Variants in MYO15A observed in about 807,000 individuals in gnomAD.
MYO15A encodes the protein unconventional myosin-XV.
In MYO15A, 308 loss-of-function variants were observed where a neutral mutation model predicts 394.6. The ratio of observed to expected loss-of-function variants is 0.78; its 90% confidence interval spans 0.71 to 0.86. The LOEUF is 0.86. Ranked by LOEUF, MYO15A falls within the 40% of genes least tolerant of loss-of-function variation. The pLI, the probability that MYO15A is intolerant of heterozygous loss-of-function variation, is 0.00. For missense variants in MYO15A, 4,606 were observed against 4,799.1 expected (o/e 0.96, Z 1.19); for synonymous variants, 1,957 against 2,003.8 (o/e 0.98, Z 0.62).
intron 23 of MYO15A, 40 bp downstream of exon 23, chr17:18,141,810 T>G: frequency 6.3e-7 from 1 of 1,591,906 alleles, no homozygotes; most frequent in Non-Finnish European, 8.6e-7. Context: ...AGACCCCAAG[T>G]TTGGGGGGGT....
chr17:18,126,487 C>A, intron 5 of MYO15A, 31 bp downstream of exon 5: 2 of 1,592,068 alleles, frequency 1.3e-6, no homozygotes, highest in South Asian at 1.1e-5. Context: ...GCCCTGGGGT[C>A]TCTTGGGCCC....
At chr17:18,173,063 G>T (rs965374408) in intron 64 of MYO15A, among the ~76,000 whole-genome samples, 5 of 152,200 alleles carry the variant, frequency 3.3e-5, no homozygotes, top group Non-Finnish European at 7.3e-5. Flanking sequence ...GATGGAGCCA[G>T]TAGAGGGGGT....
At position 18,141,141 on chromosome 17, in the gene MYO15A, C is replaced by G. The variant is rs1000885373; in HGVS notation, c.5529C>G (p.Asp1843Glu). ...PVRLPFQGFI[D>E]RYCCLVALKH... ...GCCTGCCTTTCCAGGGGTTCATCGA[C>G]AGGTATCTTGGTTACGGTAGTTCCT... is the stretch of plus-strand genomic sequence containing the variant. The change falls in exon 22 of 66, where the codon GAC becomes GAG. Residue 1843 changes from aspartate (D) to glutamate (E), a missense_variant and splice_region_variant. Asp to Glu is a conservative substitution (Grantham distance 45, BLOSUM62 2). Transcript: ENST00000647165. 3.1e-6 allele frequency: 5 copies of G among 1,613,636 alleles called. No individual in the cohort carries two copies. Among genetic ancestry groups the G allele is most frequent in the Non-Finnish European group, 4.2e-6 (5 of 1,180,004 alleles).
rs1468387337 is a variant in MYO15A, at chr17:18,119,001, C to T, written c.201C>T (p.Pro67=). Residue 67 remains proline (P), a synonymous_variant, in exon 2 of 66, where the codon CCC becomes CCT. Coordinates refer to ENST00000647165, the MANE Select transcript of MYO15A (RefSeq NM_016239.4). ...SAFFWGLHTG[P]QKTKRKRKAR... is the part of the protein sequence containing the mutation. ...TCTTCTGGGGCCTCCACACCGGCCC[C>T]CAGAAGACCAAGCGCAAGAGGAAGG... 6.2e-7 allele frequency: 1 copy of T among 1,612,668 alleles called. No homozygotes were observed.
rs1015923228 is a variant in MYO15A, at chr17:18,179,788, G to C, written c.*918G>C. 6.6e-6 allele frequency: 1 copy of C among 152,146 alleles called. No homozygotes were observed. The highest frequency in any genetic ancestry group is 6.5e-5 in the Admixed American group (1 of 15,270). 9.4% of individuals were successfully genotyped at this position (152,146 alleles called of 1,614,324 possible). On this transcript the variant is annotated 3_prime_UTR_variant, in exon 66 of 66. Coordinates refer to ENST00000647165, the MANE Select transcript of MYO15A (RefSeq NM_016239.4). ...TTGTCATATGAATGAAAAAATAAAC[G>C]AGTGAATGTTGATAGAAAGTGCTGG...
intron 25 of MYO15A, among the ~76,000 whole-genome samples, 182 bp downstream of exon 25, chr17:18,143,022 G>A (rs1190594837): frequency 6.6e-6 from 1 of 152,218 alleles, no homozygotes; most frequent in Non-Finnish European, 1.5e-5. Context: ...CCTTGGGATT[G>A]TGGAGAGGGT....
rs775907651 is a variant in MYO15A, at chr17:18,118,768, G to C, written c.-33G>C. On this transcript the variant is annotated 5_prime_UTR_variant, in exon 2 of 66. Transcript: ENST00000647165. ...TCCAAGTCCCTGAGCCCGTGACACCGGCCCCAGGCCCTGTAGAGAGCAGGC... is the reference window on the plus strand; with the variant it reads ...TCCAAGTCCCTGAGCCCGTGACACCCGCCCCAGGCCCTGTAGAGAGCAGGC... 21 of 1,607,326 alleles carry C rather than the reference G, an allele frequency of 1.3e-5. No individual in the cohort carries two copies. The highest frequency in any genetic ancestry group is 1.8e-5 in the Non-Finnish European group (21 of 1,177,480).
At position 18,171,637 on chromosome 17, in the gene MYO15A, G is replaced by A; in HGVS notation, c.10083-1G>A. The A allele has an allele frequency of 6.2e-7, 1 of 1,613,930 alleles. No homozygotes were observed. On this transcript the variant is annotated splice_acceptor_variant, in intron 62 of 65. Transcript: ENST00000647165. LOFTEE classifies it high-confidence loss of function. ...CCTTTTTCCCCTTCCTCCGTACACAGGCGGGAAGTCCAGGAGTACATCCCA... is the reference window on the plus strand; with the variant it reads ...CCTTTTTCCCCTTCCTCCGTACACAAGCGGGAAGTCCAGGAGTACATCCCA...
At chr17:18,154,855 C>A in intron 45 of MYO15A, 100 bp downstream of exon 45, 2 of 1,332,008 alleles carry the variant, frequency 1.5e-6, no homozygotes, top group South Asian at 1.2e-5. Context: ...CCAGGCCCAC[C>A]ATCTCCCAGA....
At chr17:18,161,707 G>A (rs774860749) in intron 57 of MYO15A, among the ~76,000 whole-genome samples, 10 of 152,202 alleles carry the variant, frequency 6.6e-5, no homozygotes, top group Non-Finnish European at 1.5e-4. Context: ...TTTCCAGGTG[G>A]AGTGAGTGAC....
intron 23 of MYO15A, 68 bp from the exon 24 acceptor site, chr17:18,142,011 G>T: frequency 6.3e-7 from 1 of 1,583,456 alleles, no homozygotes; most frequent in Non-Finnish European, 8.6e-7. Flanking sequence ...CGGACTTCTA[G>T]AGAGGGAGGG....
rs2046610975 is a variant in MYO15A at position 18,153,096 on chromosome 17, C to T, written c.7967-679C>T. Among the ~76,000 whole-genome samples the T allele has an allele frequency of 6.6e-6, 1 of 152,214 alleles. No homozygotes were observed. Among genetic ancestry groups the T allele is most frequent in the Non-Finnish European group, 1.5e-5 (1 of 68,044 alleles). ...TTGCGGGGCCATCTCAGCCTTTAGC[C>T]CAGGCCTGTATACAATAGGTGTTTT... is the stretch of plus-strand genomic sequence containing the variant. On this transcript the variant is annotated intron_variant, in intron 42 of 65. Coordinates refer to ENST00000647165, the MANE Select transcript of MYO15A (RefSeq NM_016239.4). The surrounding 1 kb of genome is among the most constrained non-coding windows in gnomAD (Gnocchi z 4.1).
intron 25 of MYO15A, among the ~76,000 whole-genome samples, chr17:18,143,064 T>C (rs1201066646): frequency 6.6e-6 from 1 of 152,228 alleles, no homozygotes; most frequent in Non-Finnish European, 1.5e-5. Flanking sequence ...GGATTTGGCC[T>C]GGTGCTGGGT....
At chr17:18,163,162 G>C in intron 58 of MYO15A, 82 bp from the exon 59 acceptor site, 1 of 1,453,202 alleles carries the variant, frequency 6.9e-7, no homozygotes, top group Non-Finnish European at 9.7e-7. Context: ...CCTTTGGCTT[G>C]GGAACTCCCA....
intron 61 of MYO15A, 132 bp from the exon 62 acceptor site, chr17:18,167,458 A>C: frequency 7.0e-7 from 1 of 1,429,168 alleles, no homozygotes; most frequent in Non-Finnish European, 9.6e-7. Flanking sequence ...AAACCCAGGA[A>C]AGTAATAGGC....
In MYO15A at chr17:18,179,498, C is replaced by G. The variant is rs55973639; in HGVS notation, c.*628C>G. 0.017 allele frequency: 2,702 copies of G among 160,260 alleles called. 56 individuals carry two copies. Among genetic ancestry groups the G allele is most frequent in the African/African-American group, 0.05 (2,089 of 41,648 alleles). The allele number at this position is 160,260 out of a possible 1,614,324, so 9.9% of individuals were successfully genotyped here. On this transcript the variant is annotated 3_prime_UTR_variant, in exon 66 of 66. Transcript: ENST00000647165. ...GATTCACTGCCTATGAACAGACCATCCCCCACTCCTTGGGTATCCCCAACC... is the reference window on the plus strand; with the variant it reads ...GATTCACTGCCTATGAACAGACCATGCCCCACTCCTTGGGTATCCCCAACC...
At chr17:18,135,663 A>G in intron 12 of MYO15A, 48 bp from the exon 13 acceptor site, 1 of 1,572,326 alleles carries the variant, frequency 6.4e-7, no homozygotes, top group South Asian at 1.1e-5. Flanking sequence ...TGAACTTTAA[A>G]TTTAGCCTAT....
At chr17:18,131,086 T>G in intron 8 of MYO15A, 153 bp from the exon 9 acceptor site, 1 of 742,644 alleles carries the variant, frequency 1.3e-6, no homozygotes, top group Non-Finnish European at 2.3e-6. Context: ...TGGAGAGACC[T>G]CAGGATTCTC....
Position 18,158,522 on chromosome 17 carries a change from G to T in MYO15A, c.8968-1G>T, listed in dbSNP as rs746051220. 31 of 1,613,822 alleles carry T rather than the reference G, an allele frequency of 1.9e-5. No individual in the cohort carries two copies. The highest frequency in any genetic ancestry group is 2.5e-5 in the Non-Finnish European group (29 of 1,179,898). ...CCTTCCTAGCTCCGCCTCTTCTGCAGGGTCCCCCAGTCAGGGCCCGCTCTG... is the reference window on the plus strand; with the variant it reads ...CCTTCCTAGCTCCGCCTCTTCTGCATGGTCCCCCAGTCAGGGCCCGCTCTG... On this transcript the variant is annotated splice_acceptor_variant, in intron 51 of 65. Coordinates refer to ENST00000647165, the MANE Select transcript of MYO15A (RefSeq NM_016239.4). LOFTEE classifies it high-confidence loss of function.
Sources: gnomAD v4.1 joint callset for allele counts (sites outside exome capture counted in the v4.1 genomes callset) on GRCh38, gnomAD v4.1.1 for gene constraint, Gnocchi (gnomAD v3.1) non-coding constraint, MANE v1.5 for transcripts, NCBI Gene and HGNC (gene_info 2026-07-23, HGNC 2026-07-21) for gene names.